KALRN: variants seen among roughly 807,000 people sequenced by gnomAD.
KALRN encodes kalirin.
Under a neutral mutation model 353.7 loss-of-function variants are expected in KALRN, and 70 were observed. That is an observed-to-expected ratio of 0.20 (90% confidence interval 0.16 to 0.24). The LOEUF (loss-of-function observed/expected upper bound fraction) is 0.24. Among genes scored for constraint, KALRN ranks in the 10% least tolerant of loss-of-function variants. The probability of loss-of-function intolerance (pLI) is 1.00; values close to 1 mark genes in which losing one functional copy is unlikely to be tolerated. For missense variants in KALRN, 2,791 were observed against 3,756.7 expected, an observed-to-expected ratio of 0.74 and a Z score of 6.72; for synonymous variants, 1,391 against 1,434.8, an observed-to-expected ratio of 0.97 and a Z score of 0.69.
chr3:124,408,057 G>A (rs1426881769), intron 13 of KALRN, among the ~76,000 whole-genome samples: 5 of 152,216 alleles, frequency 3.3e-5, no homozygotes, highest in Non-Finnish European at 7.3e-5. Context: ...ACAGGCGTGA[G>A]CCACTGTGCC....
chr3:124,153,929 T>C (rs2068581800), intron 1 of KALRN, among the ~76,000 whole-genome samples: 1 of 152,190 alleles, frequency 6.6e-6, no homozygotes, highest in Non-Finnish European at 1.5e-5. Context: ...TTGAGAAGTG[T>C]CTGTTCATAT....
intron 1 of KALRN, among the ~76,000 whole-genome samples, chr3:124,087,823 T>C (rs2060902544): frequency 6.6e-6 from 1 of 152,148 alleles, no homozygotes; most frequent in Non-Finnish European, 1.5e-5. Flanking sequence ...AGCAGCTAGA[T>C]GCCAAGAACA....
chr3:124,329,942 A>G lies in KALRN; in HGVS notation c.1366A>G (p.Ile456Val). 1 of 1,613,734 alleles carries G rather than the reference A, an allele frequency of 6.2e-7. No individual in the cohort carries two copies. Among genetic ancestry groups the G allele is most frequent in the South Asian group, 1.1e-5 (1 of 91,046 alleles). Reference sequence around the variant, plus strand: ...CGAGATGCAAGACCTAGAGCTGGCAATCCACCACCACCAGACCTTGTATGA... The same window carrying G: ...CGAGATGCAAGACCTAGAGCTGGCAGTCCACCACCACCAGACCTTGTATGA... The part of the protein sequence containing the change: ...PSEMQDLELA[I>V]HHHQTLYEQV... The change falls in exon 8 of 60, where the codon ATC (isoleucine) becomes GTC (valine). Residue 456 changes from isoleucine (I) to valine (V), a missense_variant. By Grantham distance (29) the Ile-to-Val change is conservative (BLOSUM62 3). Around this residue, in one of 11 missense-constraint regions of KALRN, gnomAD observed 366 missense variants for 489.2 expected, o/e 0.75. Coordinates refer to ENST00000682506, the MANE Select transcript of KALRN (RefSeq NM_001388419.1).
intron 1 of KALRN, among the ~76,000 whole-genome samples, chr3:124,179,654 A>G (rs2073285438): frequency 6.6e-6 from 1 of 152,242 alleles, no homozygotes; most frequent in African/African-American, 2.4e-5. Flanking sequence ...GCATCACCAC[A>G]TACGTGAGTA....
At chr3:124,453,608 T>C (rs2059012562) in intron 21 of KALRN, among the ~76,000 whole-genome samples, 1 of 152,188 alleles carries the variant, frequency 6.6e-6, no homozygotes, top group African/African-American at 2.4e-5. Flanking sequence ...GATATCTAGA[T>C]TGTAGCATGG....
chr3:124,298,688 A>G (rs2077036330), intron 5 of KALRN, 103 bp from the exon 6 acceptor site: 2 of 1,312,790 alleles, frequency 1.5e-6, no homozygotes, highest in Admixed American at 1.7e-5. Context: ...GTTCTCACTG[A>G]GCACCAGCAG....
chr3:124,477,852 A>T (rs1340815565), intron 27 of KALRN, among the ~76,000 whole-genome samples: 1 of 152,102 alleles, frequency 6.6e-6, no homozygotes, highest in Non-Finnish European at 1.5e-5. Context: ...AAAAAAACTG[A>T]TATCTGAATC....
At chr3:124,519,555 A>G (rs2066989736) in intron 33 of KALRN, 3 of 985,316 alleles carry the variant, frequency 3.0e-6, no homozygotes, top group Non-Finnish European at 3.6e-6. Flanking sequence ...TGGCTGGGTT[A>G]TGGGGGAGGG....
intron 21 of KALRN, among the ~76,000 whole-genome samples, chr3:124,449,704 C>T (rs2058591117): frequency 6.6e-6 from 1 of 152,180 alleles, no homozygotes; most frequent in South Asian, 2.1e-4. Flanking sequence ...CTCTGCATTC[C>T]CTACTCTCCT....
chr3:124,717,867 A>C (rs2063220054), intron 59 of KALRN, among the ~76,000 whole-genome samples: 1 of 151,768 alleles, frequency 6.6e-6, no homozygotes, highest in Non-Finnish European at 1.5e-5. Flanking sequence ...GCTGAAGTGC[A>C]GTGGTGCGAT....
At chr3:124,596,282 G>A (rs1328838817) in intron 34 of KALRN, among the ~76,000 whole-genome samples, 1 of 151,806 alleles carries the variant, frequency 6.6e-6, no homozygotes, top group Admixed American at 6.6e-5. Flanking sequence ...TCAGCAGTTC[G>A]AGGCCAGTCT....
chr3:124,114,315 C>A (rs1461230904), intron 1 of KALRN, among the ~76,000 whole-genome samples: 1 of 152,150 alleles, frequency 6.6e-6, no homozygotes. Context: ...CTCTTTTTCC[C>A]AGGGGTTCTT....
rs575419765 is a variant in KALRN, at chr3:124,321,510, A to G, written c.1093-4470A>G. ...GGTTGGAAGTGGGAGCCCTTTTGGC[A>G]GGGCTGAAAACTTTGATCAAGATTC... On this transcript the variant is annotated intron_variant, in intron 6 of 59. Coordinates refer to ENST00000682506, the MANE Select transcript of KALRN (RefSeq NM_001388419.1). 2.3e-4 allele frequency among the ~76,000 whole-genome samples: 35 copies of G among 152,356 alleles called. 1 individual carries two copies. The East Asian group carries it at 6.8e-3, about 29-fold the overall frequency.
chr3:124,283,128 A>C (rs1347767853), intron 5 of KALRN, among the ~76,000 whole-genome samples: 1 of 152,242 alleles, frequency 6.6e-6, no homozygotes, highest in East Asian at 1.9e-4. Flanking sequence ...CAGATGTGCA[A>C]GTGATTGGCA....
At chr3:124,226,194 A>G (rs1180660789) in intron 1 of KALRN, among the ~76,000 whole-genome samples, 5 of 152,192 alleles carry the variant, frequency 3.3e-5, no homozygotes, top group African/African-American at 1.2e-4. Context: ...ATGTCTCCTC[A>G]TTGCATGAGG....
chr3:124,327,658 A>T (rs1396596178), intron 7 of KALRN, among the ~76,000 whole-genome samples: 1 of 152,228 alleles, frequency 6.6e-6, no homozygotes, highest in Non-Finnish European at 1.5e-5. Context: ...AAAATCACAC[A>T]ATCTATGAGT....
In KALRN at chr3:124,724,820, C is replaced by T. The variant is rs2063400041; in HGVS notation, c.*5350C>T. ...AGAGGAAAAAGCAATCACTCTAAGA[C>T]AACTTTTCGTCTTTGAGGGACATTA... On this transcript the variant is annotated 3_prime_UTR_variant, in exon 60 of 60. Coordinates refer to ENST00000682506, the MANE Select transcript of KALRN (RefSeq NM_001388419.1). 6.6e-6 allele frequency: 1 copy of T among 152,190 alleles called. No homozygotes were observed. The highest frequency in any genetic ancestry group is 6.5e-5 in the Admixed American group (1 of 15,282). The allele number at this position is 152,190 out of a possible 1,614,324, so 9.4% of individuals were successfully genotyped here.
At chr3:124,591,917 T>A (rs2075813081) in intron 34 of KALRN, among the ~76,000 whole-genome samples, 1 of 152,176 alleles carries the variant, frequency 6.6e-6, no homozygotes. Flanking sequence ...AATTTCCTTT[T>A]TAAAAAACTT....
chr3:124,483,444 C>T lies in KALRN; in HGVS notation c.4284+544C>T, dbSNP rs146834794. Among the ~76,000 whole-genome samples, 622 of 152,100 alleles carry T rather than the reference C, an allele frequency of 4.1e-3. 6 individuals are homozygous for T. Among genetic ancestry groups the T allele is most frequent in the African/African-American group, 0.013 (544 of 41,478 alleles). On this transcript the variant is annotated intron_variant, in intron 28 of 59. Transcript: ENST00000682506. ...GTGTGCACCTGTAATCCCAATTACT[C>T]GGGAGGCTGAGGCAAGAGAATCACT...
Sources: allele counts gnomAD v4.1 joint callset (sites outside exome capture counted in the v4.1 genomes callset), GRCh38; gene constraint gnomAD v4.1.1; regional missense constraint gnomAD v4.1.1; transcripts MANE v1.5; gene names NCBI Gene and HGNC (gene_info 2026-07-23, HGNC 2026-07-21).